The following ALCAM variants were observed in gnomAD, a reference collection of about 807,000 sequenced individuals.
The protein encoded by ALCAM is CD166 antigen.
In ALCAM, 30 loss-of-function variants were observed where a neutral mutation model predicts 70.9. The ratio of observed to expected loss-of-function variants is 0.42; its 90% confidence interval spans 0.32 to 0.57. The LOEUF (loss-of-function observed/expected upper bound fraction) is 0.57. Among genes scored for constraint, ALCAM ranks in the 20% least tolerant of loss-of-function variants. The pLI is 0.11. For missense variants in ALCAM, 591 were observed against 695.1 expected, an observed-to-expected ratio of 0.85 and a Z score of 1.68; for synonymous variants, 249 against 242.5, an observed-to-expected ratio of 1.03 and a Z score of -0.25.
intron 14 of ALCAM, among the ~76,000 whole-genome samples, chr3:105,564,102 C>T (rs1388937718): frequency 2.7e-5 from 4 of 150,568 alleles, no homozygotes; most frequent in African/African-American, 4.9e-5. Flanking sequence ...GTGAATACTC[C>T]ACGGACATTT....
chr3:105,553,375 G>C (rs1435889969), intron 14 of ALCAM, among the ~76,000 whole-genome samples: 1 of 151,770 alleles, frequency 6.6e-6, no homozygotes. Flanking sequence ...AAGTTTCACT[G>C]GTGATTCTGC....
intron 6 of ALCAM, among the ~76,000 whole-genome samples, chr3:105,537,598 C>G (rs562593464): frequency 1.5e-4 from 23 of 152,198 alleles, no homozygotes; most frequent in African/African-American, 5.3e-4. Context: ...TACTTACATG[C>G]CTATGCATAT....
At chr3:105,452,159 G>C (rs1342961375) in intron 1 of ALCAM, among the ~76,000 whole-genome samples, 1 of 151,540 alleles carries the variant, frequency 6.6e-6, no homozygotes, top group Non-Finnish European at 1.5e-5. Context: ...TGTTACATAG[G>C]TATACATGTG....
rs1275691750 is a variant in ALCAM at position 105,552,126 on chromosome 3, T to G, written c.1508-18T>G. 1 of 1,591,136 alleles carries G rather than the reference T, an allele frequency of 6.3e-7. No individual in the cohort carries two copies. On this transcript the variant is annotated intron_variant, in intron 12 of 15. Coordinates refer to ENST00000306107, the MANE Select transcript of ALCAM (RefSeq NM_001627.4). The stretch of plus-strand genomic sequence containing the variant: ...ACAAATTTTGTTTTTAATTTCATAT[T>G]AACATTTTTCATTTCAGTAAGTATT...
At chr3:105,478,152 A>C (rs1256153825) in intron 1 of ALCAM, among the ~76,000 whole-genome samples, 1 of 151,990 alleles carries the variant, frequency 6.6e-6, no homozygotes. Flanking sequence ...TTTCAATGTT[A>C]TGTTACCACT....
intron 1 of ALCAM, among the ~76,000 whole-genome samples, chr3:105,415,642 T>G (rs142116584): frequency 6.6e-6 from 1 of 152,238 alleles, no homozygotes; most frequent in Non-Finnish European, 1.5e-5. Context: ...ACCTTTTATT[T>G]ATTTCTGTTA....
intron 1 of ALCAM, 145 bp downstream of exon 1, chr3:105,367,626 C>T (rs1408061419): frequency 6.5e-6 from 6 of 929,288 alleles, no homozygotes; most frequent in Non-Finnish European, 6.5e-6. Flanking sequence ...CAGAGCTGTC[C>T]CCGGGCTCGG....
intron 4 of ALCAM, among the ~76,000 whole-genome samples, chr3:105,532,872 C>A (rs1344866510): frequency 6.6e-6 from 1 of 152,014 alleles, no homozygotes; most frequent in Non-Finnish European, 1.5e-5. Context: ...ATTCTGTTGG[C>A]AAATTATGCT....
chr3:105,381,312 C>A (rs1935513007), intron 1 of ALCAM, among the ~76,000 whole-genome samples: 1 of 151,830 alleles, frequency 6.6e-6, no homozygotes, highest in Non-Finnish European at 1.5e-5. Flanking sequence ...GAAGAGAGGC[C>A]ACAGGTTCAG....
chr3:105,502,107 T>C (rs1423525288), intron 1 of ALCAM, among the ~76,000 whole-genome samples: 1 of 152,198 alleles, frequency 6.6e-6, no homozygotes, highest in Non-Finnish European at 1.5e-5. Flanking sequence ...GGCTAGAAAT[T>C]CCAACTGAAA....
chr3:105,481,152 C>T (rs2152607458), intron 1 of ALCAM, among the ~76,000 whole-genome samples: 1 of 151,950 alleles, frequency 6.6e-6, no homozygotes, highest in African/African-American at 2.4e-5. Flanking sequence ...TATCTTTTAC[C>T]CAGAAAGTTA....
chr3:105,491,755 C>T (rs571280479), intron 1 of ALCAM, among the ~76,000 whole-genome samples: 4 of 152,308 alleles, frequency 2.6e-5, no homozygotes, highest in East Asian at 3.9e-4. Context: ...CTATTTGAGA[C>T]CACTAGGCCT....
chr3:105,533,494 C>A, intron 4 of ALCAM, 109 bp from the exon 5 acceptor site: 3 of 781,136 alleles, frequency 3.8e-6, no homozygotes, highest in South Asian at 1.8e-5. Context: ...GGAAAATAAA[C>A]GGGTCAAGAA....
chr3:105,445,061 T>A (rs1479246063), intron 1 of ALCAM, among the ~76,000 whole-genome samples: 2 of 152,208 alleles, frequency 1.3e-5, no homozygotes, highest in African/African-American at 4.8e-5. Flanking sequence ...ATGCTATTTA[T>A]AATGAGCTCA....
intron 1 of ALCAM, among the ~76,000 whole-genome samples, chr3:105,435,428 A>G (rs911065174): frequency 1.3e-5 from 2 of 152,222 alleles, no homozygotes; most frequent in Non-Finnish European, 2.9e-5. Context: ...GCACATTATG[A>G]CTGTCACTAT....
intron 1 of ALCAM, among the ~76,000 whole-genome samples, chr3:105,421,342 C>A (rs1053216846): frequency 6.6e-6 from 1 of 151,338 alleles, no homozygotes; most frequent in Non-Finnish European, 1.5e-5. Context: ...TGCTATGGTT[C>A]TTTTGTGGTC....
chr3:105,405,535 ATACTT>A (rs1936206842), intron 1 of ALCAM, among the ~76,000 whole-genome samples: 1 of 152,158 alleles, frequency 6.6e-6, no homozygotes, highest in Admixed American at 6.5e-5. Flanking sequence ...GACTTAAACT[ATACTT>A]TATAACAAAT....
At chr3:105,569,676 T>C (rs1177043715) in intron 14 of ALCAM, among the ~76,000 whole-genome samples, 3 of 152,204 alleles carry the variant, frequency 2.0e-5, no homozygotes, top group Admixed American at 1.3e-4. Context: ...CCTACCATGT[T>C]CTAGTCACTG....
At chr3:105,416,158 A>G (rs2107405365) in intron 1 of ALCAM, among the ~76,000 whole-genome samples, 1 of 152,180 alleles carries the variant, frequency 6.6e-6, no homozygotes. Context: ...AAGGATAAGG[A>G]TAAGTCTTAA....
Sources: gnomAD v4.1 joint callset for allele counts (sites outside exome capture counted in the v4.1 genomes callset) on GRCh38, gnomAD v4.1.1 for gene constraint, MANE v1.5 for transcripts, NCBI Gene and HGNC (gene_info 2026-07-23, HGNC 2026-07-21) for gene names.